Variants in SSH2 observed in about 807,000 individuals in gnomAD.
The protein encoded by SSH2 is protein phosphatase Slingshot homolog 2.
SSH2 carries 37 observed loss-of-function variants against 135.2 expected under a neutral mutation model. That is an observed-to-expected ratio of 0.27 (90% CI 0.21 to 0.36). The LOEUF is 0.36. Among genes scored for constraint, SSH2 ranks in the 10% least tolerant of loss-of-function variants. SSH2 has a pLI of 1.00. For missense variants in SSH2, 1,408 were observed against 1,765.3 expected (o/e 0.80, Z 3.63); for synonymous variants, 628 against 646.2 (o/e 0.97, Z 0.43).
intron 1 of SSH2, chr17:29,856,387 G>A: frequency 5.2e-6 from 1 of 191,866 alleles, no homozygotes; most frequent in Non-Finnish European, 1.1e-5. Context: ...GATAAGACCT[G>A]TTTGTGATAT....
At chr17:29,855,375 T>C (rs1332520798) in intron 1 of SSH2, among the ~76,000 whole-genome samples, 1 of 152,060 alleles carries the variant, frequency 6.6e-6, no homozygotes, top group Non-Finnish European at 1.5e-5. Context: ...CGTGGTAGCA[T>C]GCACCTGTAG....
At position 29,626,410 on chromosome 17, in the gene SSH2, CCA is replaced by C. The variant is rs2035502758; in HGVS notation, c.*4429_*4430del. The C allele has an allele frequency of 6.5e-6, 1 of 152,686 alleles. No homozygotes were observed. Among genetic ancestry groups the C allele is most frequent in the African/African-American group, 2.4e-5 (1 of 41,424 alleles). The allele number at this position is 152,686 out of a possible 1,614,324, so 9.5% of individuals were successfully genotyped here. A position where few individuals can be genotyped will look rare whatever the true frequency, so the allele number is the denominator to read the frequency against. ...TGGGAAGCACTTCAGGGCCAGTTAC[CCA>C]GTTTTTAGTTTGGGTATTAGCTCTG... On this transcript the variant is annotated 3_prime_UTR_variant, in exon 16 of 16. Transcript: ENST00000540801.
chr17:29,726,155 G>A (rs1006006820), intron 3 of SSH2, among the ~76,000 whole-genome samples: 1 of 152,152 alleles, frequency 6.6e-6, no homozygotes, highest in African/African-American at 2.4e-5. Flanking sequence ...GAGGCAGAAC[G>A]CTTCTTCCTC....
chr17:29,705,805 A>T (rs1477996027), intron 3 of SSH2, among the ~76,000 whole-genome samples: 1 of 152,192 alleles, frequency 6.6e-6, no homozygotes, highest in Admixed American at 6.5e-5. Context: ...GCCTATCATT[A>T]TGTAAGTCTC....
chr17:29,913,481 G>A (rs2066824643), intron 1 of SSH2, among the ~76,000 whole-genome samples: 1 of 145,802 alleles, frequency 6.9e-6, no homozygotes. Context: ...TATTCTTGGA[G>A]CCAAACTCTG....
At chr17:29,637,580 G>A (rs535210541) in intron 14 of SSH2, among the ~76,000 whole-genome samples, 12 of 152,076 alleles carry the variant, frequency 7.9e-5, no homozygotes, top group South Asian at 2.1e-4. Context: ...CCAGAAGTTC[G>A]AGACCAGCCT....
intron 3 of SSH2, among the ~76,000 whole-genome samples, chr17:29,721,029 G>GT (rs980328176): frequency 1.3e-5 from 2 of 152,252 alleles, no homozygotes; most frequent in Admixed American, 6.5e-5. Flanking sequence ...CCAATCCAAT[G>GT]TTTAACAGTT....
intron 14 of SSH2, among the ~76,000 whole-genome samples, chr17:29,643,942 G>A (rs1373447771): frequency 6.6e-6 from 1 of 152,130 alleles, no homozygotes; most frequent in Non-Finnish European, 1.5e-5. Flanking sequence ...ATTTACAGAC[G>A]CCTAGAGATG....
At chr17:29,744,491 C>G (rs1490447844) in intron 3 of SSH2, among the ~76,000 whole-genome samples, 1 of 152,114 alleles carries the variant, frequency 6.6e-6, no homozygotes, top group Non-Finnish European at 1.5e-5. Flanking sequence ...TTATATAGTT[C>G]TTGATCTTTA....
chr17:29,862,423 A>G (rs1284793619), intron 1 of SSH2, among the ~76,000 whole-genome samples: 1 of 152,240 alleles, frequency 6.6e-6, no homozygotes, highest in Non-Finnish European at 1.5e-5. Context: ...TTGTTGCTAT[A>G]AAAATAACAC....
intron 1 of SSH2, among the ~76,000 whole-genome samples, chr17:29,917,723 C>T (rs763420096): frequency 4.6e-5 from 7 of 152,080 alleles, no homozygotes; most frequent in Non-Finnish European, 1.0e-4. Context: ...GGCATGGTGG[C>T]GGATGCCTGT....
intron 4 of SSH2, among the ~76,000 whole-genome samples, chr17:29,698,094 T>C (rs1235404176): frequency 2.0e-5 from 3 of 152,164 alleles, no homozygotes; most frequent in African/African-American, 7.2e-5. Flanking sequence ...AACTCAAAAA[T>C]CCATTCATAT....
chr17:29,739,675 T>C (rs2040491133), intron 3 of SSH2, among the ~76,000 whole-genome samples: 1 of 152,216 alleles, frequency 6.6e-6, no homozygotes, highest in African/African-American at 2.4e-5. Context: ...TAATGCTCCA[T>C]CAGATCCTAA....
chr17:29,765,733 CA>C (rs2041427848), intron 3 of SSH2, among the ~76,000 whole-genome samples: 2 of 152,024 alleles, frequency 1.3e-5, no homozygotes, highest in Non-Finnish European at 2.9e-5. Flanking sequence ...GATACAGGGA[CA>C]AAAGGCTGGG....
At chr17:29,807,640 A>G (rs1163635348) in intron 2 of SSH2, among the ~76,000 whole-genome samples, 1 of 152,180 alleles carries the variant, frequency 6.6e-6, no homozygotes, top group Non-Finnish European at 1.5e-5. Flanking sequence ...AGAAAAGGGA[A>G]GAGCAGTAGA....
At chr17:29,846,040 A>AT (rs34670451) in intron 2 of SSH2, among the ~76,000 whole-genome samples, 1,465 of 142,428 alleles carry the variant, frequency 0.01, 22 homozygotes, top group African/African-American at 0.03. Context: ...AAACTGAACA[A>AT]TTTTTTTTTT....
chr17:29,845,911 T>TC (rs1406844278), intron 2 of SSH2, among the ~76,000 whole-genome samples: 1 of 152,092 alleles, frequency 6.6e-6, no homozygotes, highest in East Asian at 1.9e-4. Context: ...AGTTACCTTT[T>TC]CCCCACGCGT....
At chr17:29,909,872 T>C (rs2066733869) in intron 1 of SSH2, among the ~76,000 whole-genome samples, 1 of 152,216 alleles carries the variant, frequency 6.6e-6, no homozygotes, top group South Asian at 2.1e-4. Flanking sequence ...TTATTTTCAG[T>C]AAAGTCAGCA....
intron 3 of SSH2, among the ~76,000 whole-genome samples, chr17:29,731,445 AT>A (rs2040194153): frequency 6.7e-6 from 1 of 149,124 alleles, no homozygotes; most frequent in Non-Finnish European, 1.5e-5. Context: ...TTATTTATTT[AT>A]TTATTTATTT....
Sources: allele counts gnomAD v4.1 joint callset (sites outside exome capture counted in the v4.1 genomes callset), GRCh38; gene constraint gnomAD v4.1.1; transcripts MANE v1.5; gene names NCBI Gene and HGNC (gene_info 2026-07-23, HGNC 2026-07-21).